ASPH: variants seen among roughly 807,000 people sequenced by gnomAD.
The protein encoded by ASPH is aspartate beta-hydroxylase, also known as aspartyl/asparaginyl beta-hydroxylase.
Under a neutral mutation model 118.4 loss-of-function variants are expected in ASPH, and 100 were observed. The observed-to-expected ratio is 0.84, with a 90% CI of 0.72 to 1.00. The LOEUF is 1.00. ASPH is among the 50% of genes least tolerant of loss of function. ASPH has a pLI of 0.00. For missense variants in ASPH, 920 were observed against 919.5 expected (o/e 1.00, Z -0.01); for synonymous variants, 315 against 325.6 (o/e 0.97, Z 0.35).
At chr8:61,562,358 CAAAAAAAA>C (rs66585881) in intron 18 of ASPH, among the ~76,000 whole-genome samples, 2 of 111,358 alleles carry the variant, frequency 1.8e-5, no homozygotes, top group South Asian at 3.2e-4. Flanking sequence ...ATACTTCTGC[CAAAAAAAA>C]AAAAAAAAAA....
intron 8 of ASPH, 23 bp downstream of exon 8, chr8:61,643,922 C>T: frequency 6.3e-7 from 1 of 1,594,992 alleles, no homozygotes; most frequent in African/African-American, 1.3e-5. Context: ...AAACACATAT[C>T]AATAATTTTA....
intron 13 of ASPH, chr8:61,623,820 A>T (rs1851785415): frequency 6.6e-6 from 1 of 152,216 alleles, no homozygotes. Context: ...TATATAATGG[A>T]GTACTACTCA....
intron 13 of ASPH, among the ~76,000 whole-genome samples, chr8:61,621,738 A>T (rs986882842): frequency 5.3e-5 from 8 of 152,262 alleles, no homozygotes; most frequent in African/African-American, 1.7e-4. Context: ...CAGAGACTAT[A>T]TTCCATAAAA....
intron 1 of ASPH, among the ~76,000 whole-genome samples, chr8:61,700,623 T>C (rs1835016261): frequency 6.6e-6 from 1 of 152,214 alleles, no homozygotes; most frequent in African/African-American, 2.4e-5. Context: ...CAGGAAATTG[T>C]CAGTTTCTGA....
chr8:61,553,143 A>G, intron 19 of ASPH, 23 bp from the exon 20 acceptor site: 1 of 1,536,010 alleles, frequency 6.5e-7, no homozygotes, highest in Non-Finnish European at 9.0e-7. Flanking sequence ...CAGTGTTAGT[A>G]TGGGTAAAAT....
intron 24 of ASPH, among the ~76,000 whole-genome samples, chr8:61,515,523 G>C (rs17200553): frequency 0.089 from 13,582 of 151,964 alleles, 689 homozygotes; most frequent in Non-Finnish European, 0.12. Context: ...GTCATCCTTC[G>C]ATTGTCTCAA....
chr8:61,574,523 AACGGATGAGTTC>A (rs60916298), intron 16 of ASPH, among the ~76,000 whole-genome samples: 82,252 of 151,540 alleles, frequency 0.54, 25,770 homozygotes, highest in Non-Finnish European at 0.7. Context: ...CAGCCATAAA[AACGGATGAGTTC>A]ACGTCTTTTA....
At chr8:61,712,353 G>A (rs923581177) in intron 1 of ASPH, among the ~76,000 whole-genome samples, 1 of 152,096 alleles carries the variant, frequency 6.6e-6, no homozygotes. Flanking sequence ...GGAAGGAAAT[G>A]GTTTCCATAC....
chr8:61,659,165 T>C (rs1355620018), intron 3 of ASPH: 1 of 152,276 alleles, frequency 6.6e-6, no homozygotes, highest in Non-Finnish European at 1.5e-5. Context: ...CGTTTCAGTC[T>C]CATTACTTTC....
At chr8:61,704,833 T>C (rs1186508350) in intron 1 of ASPH, among the ~76,000 whole-genome samples, 1 of 152,182 alleles carries the variant, frequency 6.6e-6, no homozygotes, top group East Asian at 1.9e-4. Context: ...CAAATGTTGG[T>C]ACATATGTAG....
At chr8:61,669,222 T>C (rs1821183232) in intron 3 of ASPH, among the ~76,000 whole-genome samples, 1 of 152,242 alleles carries the variant, frequency 6.6e-6, no homozygotes, top group South Asian at 2.1e-4. Flanking sequence ...TCTCAAAACT[T>C]CTACTTTCAG....
chr8:61,647,356 A>G (rs1256055822), intron 5 of ASPH, among the ~76,000 whole-genome samples: 1 of 152,222 alleles, frequency 6.6e-6, no homozygotes, highest in African/African-American at 2.4e-5. Context: ...TATAGCAAAG[A>G]GTGACTAGCC....
In ASPH at chr8:61,584,697, CAG is replaced by C. The variant is rs1838797741; in HGVS notation, c.977-670_977-669del. On this transcript the variant is annotated intron_variant, in intron 14 of 24. Coordinates refer to ENST00000379454, the MANE Select transcript of ASPH (RefSeq NM_004318.4). ...TTTTCTTTTTTTTTTTCTGTAGAAA[CAG>C]AGTCTCACTATGTCACCCAGGCTGG... Among the ~76,000 whole-genome samples, 3 of 142,658 alleles carry C rather than the reference CAG, an allele frequency of 2.1e-5. No homozygotes were observed. In the South Asian group the frequency reaches 6.8e-4, roughly 32 times the overall value. 93.6% of individuals were successfully genotyped at this position (142,658 alleles called of 152,430 possible).
At chr8:61,601,000 G>A (rs1421983993) in intron 14 of ASPH, among the ~76,000 whole-genome samples, 1 of 151,062 alleles carries the variant, frequency 6.6e-6, no homozygotes, top group Non-Finnish European at 1.5e-5. Context: ...AATGATAAAG[G>A]GGATTATTTC....
At chr8:61,511,697 T>C (rs910869475) in intron 24 of ASPH, among the ~76,000 whole-genome samples, 1 of 152,200 alleles carries the variant, frequency 6.6e-6, no homozygotes, top group Non-Finnish European at 1.5e-5. Context: ...TCCACCTCCA[T>C]TATTCAAGTG....
chr8:61,515,040 A>G (rs1810369018), intron 24 of ASPH, among the ~76,000 whole-genome samples: 1 of 148,086 alleles, frequency 6.8e-6, no homozygotes, highest in African/African-American at 2.5e-5. Flanking sequence ...GGAGGAAGGA[A>G]AGAAGGGAGG....
intron 1 of ASPH, among the ~76,000 whole-genome samples, chr8:61,692,105 C>G (rs2151797892): frequency 6.6e-6 from 1 of 152,298 alleles, no homozygotes; most frequent in African/African-American, 2.4e-5. Context: ...CACAAGTCCT[C>G]TAGTTAATCT....
At chr8:61,525,376 A>ACT (rs1415058249) in intron 22 of ASPH, among the ~76,000 whole-genome samples, 1 of 151,884 alleles carries the variant, frequency 6.6e-6, no homozygotes, top group South Asian at 2.1e-4. Context: ...ACACATACAC[A>ACT]CACGCTGGAG....
intron 14 of ASPH, among the ~76,000 whole-genome samples, chr8:61,612,374 G>GTTT (rs34515068): frequency 3.6e-5 from 5 of 137,984 alleles, no homozygotes; most frequent in African/African-American, 5.3e-5. Context: ...AATGAACAAA[G>GTTT]TTTTTTTTTT....
Sources: allele counts gnomAD v4.1 joint callset (sites outside exome capture counted in the v4.1 genomes callset), GRCh38; gene constraint gnomAD v4.1.1; transcripts MANE v1.5; gene names NCBI Gene and HGNC (gene_info 2026-07-23, HGNC 2026-07-21).